Variants in PDE1C observed in about 807,000 individuals in gnomAD.
PDE1C encodes the protein dual specificity calcium/calmodulin-dependent 3',5'-cyclic nucleotide phosphodiesterase 1C.
Under a neutral mutation model 93.1 loss-of-function variants are expected in PDE1C, and 62 were observed. That is an observed-to-expected ratio of 0.67 (90% CI 0.54 to 0.82). PDE1C has a LOEUF of 0.82. Ranked by LOEUF, PDE1C falls within the 40% of genes least tolerant of loss-of-function variation. PDE1C has a pLI of 0.00. For synonymous variants in PDE1C, 325 were observed against 310.1 expected (o/e 1.05, Z -0.50); for missense variants, 742 against 884.6 (o/e 0.84, Z 2.04).
chr7:32,298,713 T>C (rs1339428873), exon 1 of PDE1C: 1 of 1,605,700 alleles, frequency 6.2e-7, no homozygotes, highest in East Asian at 2.2e-5. Flanking sequence ...GAAGCCCTCC[T>C]TCCTGTTGCC....
exon 1 of PDE1C, chr7:32,298,981 C>T: frequency 7.8e-7 from 1 of 1,283,980 alleles, no homozygotes; most frequent in Non-Finnish European, 9.8e-7. Flanking sequence ...CATCTCCAAG[C>T]CGAGTTCCAG....
At chr7:32,143,205 C>T (rs977595013) in intron 3 of PDE1C, among the ~76,000 whole-genome samples, 25 of 151,478 alleles carry the variant, frequency 1.7e-4, no homozygotes, top group African/African-American at 6.1e-4. Flanking sequence ...CAGGTCATAC[C>T]ATAGTGAGTC....
At chr7:32,085,535 T>G (rs184049414) in intron 3 of PDE1C, among the ~76,000 whole-genome samples, 87,467 of 142,326 alleles carry the variant, frequency 0.61, 27,422 homozygotes, top group African/African-American at 0.7. Context: ...CCAAAGCCAG[T>G]CAGAGACACA....
intron 1 of PDE1C, among the ~76,000 whole-genome samples, chr7:32,214,791 C>T (rs1008652): frequency 0.11 from 16,823 of 152,170 alleles, 1,156 homozygotes; most frequent in Non-Finnish European, 0.15. Flanking sequence ...AAGGATTCAC[C>T]TCACATTGCC....
chr7:31,666,051 A>C, the PDE1C span, among the ~76,000 whole-genome samples: 1 of 152,168 alleles, frequency 6.6e-6, no homozygotes, highest in African/African-American at 2.4e-5. Context: ...TCCCAAGACC[A>C]GGGAGCTGCT....
intron 2 of PDE1C, among the ~76,000 whole-genome samples, chr7:32,206,358 A>G (rs147930048): frequency 6.6e-6 from 1 of 152,164 alleles, no homozygotes; most frequent in Non-Finnish European, 1.5e-5. Context: ...TCAACCAGAC[A>G]CGGCCCATGG....
chr7:31,638,143 G>C, the PDE1C span, among the ~76,000 whole-genome samples: 2 of 152,190 alleles, frequency 1.3e-5, no homozygotes, highest in Admixed American at 6.5e-5. Context: ...AAAGGTTACT[G>C]CAAGAATCAT....
the PDE1C span, among the ~76,000 whole-genome samples, chr7:31,628,776 A>G: frequency 6.6e-6 from 1 of 152,082 alleles, no homozygotes; most frequent in African/African-American, 2.4e-5. Context: ...TCTTGATGGA[A>G]ACTTTAGTTC....
chr7:31,651,344 C>T, the PDE1C span: 1 of 1,518,146 alleles, frequency 6.6e-7, no homozygotes, highest in Non-Finnish European at 8.9e-7. Context: ...CAGGGCAGAA[C>T]AGAGGAGCAC....
intron 1 of PDE1C, among the ~76,000 whole-genome samples, chr7:32,295,424 C>T (rs368250803): frequency 6.6e-5 from 10 of 152,320 alleles, no homozygotes; most frequent in African/African-American, 2.4e-4. Context: ...TTGGGAGTTT[C>T]TTCTCCTAAA....
intron 2 of PDE1C, among the ~76,000 whole-genome samples, chr7:31,955,098 C>G (rs1294593894): frequency 1.3e-5 from 2 of 152,192 alleles, no homozygotes; most frequent in African/African-American, 4.8e-5. Context: ...CCCAACAGAC[C>G]TGGCAATAAT....
chr7:32,365,855 C>G (rs147294250), intron 1 of PDE1C, among the ~76,000 whole-genome samples: 3 of 152,106 alleles, frequency 2.0e-5, no homozygotes, highest in African/African-American at 7.2e-5. Flanking sequence ...AGAGATTACA[C>G]GACTGTGTCC....
chr7:31,815,366 C>G (rs76381419), intron 15 of PDE1C, among the ~76,000 whole-genome samples: 2,496 of 152,196 alleles, frequency 0.016, 25 homozygotes, highest in African/African-American at 0.028. Flanking sequence ...AAATCAATAA[C>G]TATATGCACA....
At chr7:31,634,004 C>G in the PDE1C span, among the ~76,000 whole-genome samples, 6 of 152,176 alleles carry the variant, frequency 3.9e-5, no homozygotes, top group Non-Finnish European at 7.3e-5. Flanking sequence ...CCAGCCCAGC[C>G]CAGAAAAGCA....
intron 16 of PDE1C, among the ~76,000 whole-genome samples, chr7:31,805,805 T>C (rs1481577293): frequency 2.6e-5 from 4 of 151,928 alleles, no homozygotes; most frequent in Non-Finnish European, 4.4e-5. Flanking sequence ...GACGTGCCTA[T>C]GTCACTCCTC....
chr7:32,034,427 T>C (rs1445327920), intron 2 of PDE1C, among the ~76,000 whole-genome samples: 13 of 152,112 alleles, frequency 8.5e-5, no homozygotes, highest in Admixed American at 7.9e-4. Context: ...CGGACAAAGA[T>C]GCCAATCTGG....
intron 3 of PDE1C, among the ~76,000 whole-genome samples, chr7:32,131,471 C>A (rs1374718117): frequency 6.6e-6 from 1 of 152,040 alleles, no homozygotes; most frequent in Non-Finnish European, 1.5e-5. Context: ...TATTTAAATA[C>A]TTAGAAGGAA....
the PDE1C span, chr7:31,644,069 TA>T: frequency 1.1e-6 from 1 of 894,096 alleles, no homozygotes; most frequent in South Asian, 1.8e-5. Flanking sequence ...TTTTCTATTT[TA>T]AATCATGAAT....
chr7:32,423,488 G>C (rs1029630822), intron 1 of PDE1C, among the ~76,000 whole-genome samples: 7 of 152,184 alleles, frequency 4.6e-5, no homozygotes, highest in Non-Finnish European at 7.3e-5. Flanking sequence ...CAAGCTCCTG[G>C]GTGACTGTGA....
Sources: allele counts gnomAD v4.1 joint callset (sites outside exome capture counted in the v4.1 genomes callset), GRCh38; gene constraint gnomAD v4.1.1; transcripts MANE v1.5; gene names NCBI Gene and HGNC (gene_info 2026-07-23, HGNC 2026-07-21).